The following KCNQ1 variants were observed in gnomAD, a reference collection of about 807,000 sequenced individuals.
The protein encoded by KCNQ1 is potassium voltage-gated channel subfamily Q member 1.
KCNQ1 carries 49 observed loss-of-function variants against 72.4 expected under a neutral mutation model. That is an observed-to-expected ratio of 0.68 (90% CI 0.54 to 0.86). KCNQ1 has a LOEUF of 0.86. KCNQ1 is among the 40% of genes least tolerant of loss of function. The pLI is 0.00. For synonymous variants in KCNQ1, 450 were observed against 412.6 expected (o/e 1.09, Z -1.10); for missense variants, 790 against 945.1 (o/e 0.84, Z 2.15).
chr11:2,840,694 C>T (rs1014226865), intron 15 of KCNQ1, among the ~76,000 whole-genome samples: 10 of 152,166 alleles, frequency 6.6e-5, no homozygotes, highest in Admixed American at 1.3e-4. Flanking sequence ...AACCCATACA[C>T]GAGACAAATA....
At position 2,473,584 on chromosome 11, in the gene KCNQ1, A is replaced by G. The variant is rs1276679594; in HGVS notation, c.386+28100A>G. Among the ~76,000 whole-genome samples the G allele has an allele frequency of 6.6e-6, 1 of 152,216 alleles. No homozygotes were observed. Among genetic ancestry groups the G allele is most frequent in the Admixed American group, 6.5e-5 (1 of 15,284 alleles). On this transcript the variant is annotated intron_variant, in intron 1 of 15. Transcript: ENST00000155840. This position sits in a 1 kb window ranked among gnomAD's most constrained non-coding sequence, Gnocchi z 6.0. ...CATGGCACAGACGCTCAGCCGTGTC[A>G]TGTGGCTTGTAGAGCGAGGGTGTGC... is the stretch of plus-strand genomic sequence containing the variant.
At chr11:2,832,996 C>T (rs1429933995) in intron 15 of KCNQ1, among the ~76,000 whole-genome samples, 1 of 152,170 alleles carries the variant, frequency 6.6e-6, no homozygotes, top group African/African-American at 2.4e-5. Context: ...CAGTGGGAGA[C>T]AGATGTGGGC....
rs769543345 is a variant in KCNQ1, at chr11:2,626,185, T to C, written c.1394-35776T>C. On this transcript the variant is annotated intron_variant, in intron 10 of 15. Coordinates refer to ENST00000155840, the MANE Select transcript of KCNQ1 (RefSeq NM_000218.3). This position sits in a 1 kb window ranked among gnomAD's most constrained non-coding sequence, Gnocchi z 4.0. ...CCCTATGTTTCCTTATAAGACTTCA[T>C]AGTTTTAGGACTTTGACCCATTTTG... 15 of 398,502 alleles carry C rather than the reference T, an allele frequency of 3.8e-5. No individual in the cohort carries two copies. Among genetic ancestry groups the C allele is most frequent in the Non-Finnish European group, 5.8e-5 (13 of 226,076 alleles). The allele number at this position is 398,502 out of a possible 1,614,324, so 24.7% of individuals were successfully genotyped here. A position where few individuals can be genotyped will look rare whatever the true frequency, so the allele number is the denominator to read the frequency against.
chr11:2,759,121 TTC>T lies in KCNQ1; in HGVS notation c.1515-9722_1515-9721del, dbSNP rs201141910. Among the ~76,000 whole-genome samples the T allele has an allele frequency of 6.7e-3, 481 of 71,564 alleles. 4 individuals are homozygous for T. Among genetic ancestry groups the T allele is most frequent in the African/African-American group, 0.03 (396 of 13,310 alleles). The allele number at this position is 71,564 out of a possible 152,430, so 46.9% of individuals were successfully genotyped here. Reference sequence around the variant, plus strand: ...GGACCTCTTGGTACTTTTTTTTTTTTTCCCAACTTCCTAGGAGTCTATAATTG... The same window carrying T: ...GGACCTCTTGGTACTTTTTTTTTTTTCCAACTTCCTAGGAGTCTATAATTG... On this transcript the variant is annotated intron_variant, in intron 11 of 15. Coordinates refer to ENST00000155840, the MANE Select transcript of KCNQ1 (RefSeq NM_000218.3). The surrounding 1 kb of genome is among the most constrained non-coding windows in gnomAD (Gnocchi z 4.4).
chr11:2,747,388 T>C (rs1286916106), intron 11 of KCNQ1, among the ~76,000 whole-genome samples: 1 of 152,140 alleles, frequency 6.6e-6, no homozygotes, highest in African/African-American at 2.4e-5. Flanking sequence ...GACTGGGGCC[T>C]GGGGGTGGCC....
Position 2,565,123 on chromosome 11 carries a change from T to G in KCNQ1, c.478-5505T>G, listed in dbSNP as rs141830116. On this transcript the variant is annotated intron_variant, in intron 2 of 15. Coordinates refer to ENST00000155840, the MANE Select transcript of KCNQ1 (RefSeq NM_000218.3). This position sits in a 1 kb window ranked among gnomAD's most constrained non-coding sequence, Gnocchi z 5.6. ...ATTGCTGGGTCATACAGTAATTCTG[T>G]TTTTTTTCTGGCATGTTATTTAAAC... Among the ~76,000 whole-genome samples the G allele has an allele frequency of 6.0e-4, 92 of 152,080 alleles. No individual in the cohort carries two copies. Among genetic ancestry groups the G allele is most frequent in the African/African-American group, 2.0e-3 (83 of 41,494 alleles).
chr11:2,831,013 C>G, intron 15 of KCNQ1, among the ~76,000 whole-genome samples: 1 of 152,226 alleles, frequency 6.6e-6, no homozygotes, highest in East Asian at 1.9e-4. Flanking sequence ...GGTGCTCAGC[C>G]CCACCCCAGC....
In KCNQ1 at chr11:2,623,270, C is replaced by T. The variant is rs1370108797; in HGVS notation, c.1393+34416C>T. ...ACTGTGAGTCAATTAAACCTCTTTT[C>T]TCACAAATTACCCAGTCTCAGGTAG... On this transcript the variant is annotated intron_variant, in intron 10 of 15. Transcript: ENST00000155840. This position sits in a 1 kb window ranked among gnomAD's most constrained non-coding sequence, Gnocchi z 5.2. 2.5e-6 allele frequency: 1 copy of T among 398,632 alleles called. No individual in the cohort carries two copies. The highest frequency in any genetic ancestry group is 4.4e-6 in the Non-Finnish European group (1 of 226,140). 24.7% of individuals were successfully genotyped at this position (398,632 alleles called of 1,614,324 possible). A position where few individuals can be genotyped will look rare whatever the true frequency, so the allele number is the denominator to read the frequency against.
In KCNQ1 at chr11:2,690,741, G is replaced by T; in HGVS notation, c.1514+28660G>T. ...ATCCCAGTGGTTGAAGATGGAGTAT[G>T]ATCCCAAATCCCTTAGGTGGATGTG... On this transcript the variant is annotated intron_variant, in intron 11 of 15. Transcript: ENST00000155840. The surrounding 1 kb of genome is among the most constrained non-coding windows in gnomAD (Gnocchi z 5.1). 1 of 398,658 alleles carries T rather than the reference G, an allele frequency of 2.5e-6. No homozygotes were observed. Among genetic ancestry groups the T allele is most frequent in the South Asian group, 1.3e-4 (1 of 7,858 alleles). The allele number at this position is 398,658 out of a possible 1,614,324, so 24.7% of individuals were successfully genotyped here. A position where few individuals can be genotyped will look rare whatever the true frequency, so the allele number is the denominator to read the frequency against.
At chr11:2,811,578 G>A (rs931784977) in intron 15 of KCNQ1, among the ~76,000 whole-genome samples, 14 of 152,350 alleles carry the variant, frequency 9.2e-5, no homozygotes, top group Admixed American at 7.2e-4. Context: ...GGCCCTTGCC[G>A]AGCGTCAGGG....
intron 2 of KCNQ1, among the ~76,000 whole-genome samples, chr11:2,529,198 G>T (rs1035102568): frequency 6.6e-6 from 1 of 152,156 alleles, no homozygotes. Context: ...GTCTGCTTTG[G>T]GGTTTTTCTA....
rs916062101 is a variant in KCNQ1 at position 2,608,708 on chromosome 11, C to T, written c.1393+19854C>T. On this transcript the variant is annotated intron_variant, in intron 10 of 15. Transcript: ENST00000155840. The surrounding 1 kb of genome is among the most constrained non-coding windows in gnomAD (Gnocchi z 4.6). ...TGAACTCCTGGCCACAAGCAATTCT[C>T]GAACTCCTGGCCACAAGCAATTCTC... 4.2e-4 allele frequency: 162 copies of T among 382,536 alleles called. 1 individual carries two copies. In the African/African-American group the frequency reaches 4.3e-3, roughly 10 times the overall value. 23.7% of individuals were successfully genotyped at this position (382,536 alleles called of 1,614,324 possible).
intron 11 of KCNQ1, among the ~76,000 whole-genome samples, chr11:2,721,424 C>T (rs1851201043): frequency 6.6e-6 from 1 of 152,252 alleles, no homozygotes; most frequent in Non-Finnish European, 1.5e-5. Flanking sequence ...GCCTCCCTGC[C>T]TCAGAGGGCT....
intron 15 of KCNQ1, among the ~76,000 whole-genome samples, chr11:2,847,434 G>A (rs1848352593): frequency 6.6e-6 from 1 of 152,234 alleles, no homozygotes; most frequent in African/African-American, 2.4e-5. Flanking sequence ...ATGCGGGGAT[G>A]TGGCACAGAA....
At position 2,492,931 on chromosome 11, in the gene KCNQ1, C is replaced by T. The variant is rs182657396; in HGVS notation, c.387-34997C>T. The stretch of plus-strand genomic sequence containing the variant: ...CTAGAATCTAGTTCTAGAATCACCA[C>T]GCTGTCTTCCACAATGGTTGAACTA... On this transcript the variant is annotated intron_variant, in intron 1 of 15. Transcript: ENST00000155840. This position sits in a 1 kb window ranked among gnomAD's most constrained non-coding sequence, Gnocchi z 4.1. Among the ~76,000 whole-genome samples the T allele has an allele frequency of 8.5e-5, 13 of 152,336 alleles. No individual in the cohort carries two copies. In the East Asian group the frequency reaches 1.9e-3, roughly 23 times the overall value.
intron 11 of KCNQ1, chr11:2,693,636 G>C (rs1850625510): frequency 2.5e-6 from 1 of 398,510 alleles, no homozygotes; most frequent in African/African-American, 2.1e-5. Flanking sequence ...CCGTAGGAAA[G>C]GCTCTGGGAG....
intron 15 of KCNQ1, among the ~76,000 whole-genome samples, chr11:2,791,615 C>T (rs1847024182): frequency 6.6e-6 from 1 of 151,964 alleles, no homozygotes. Flanking sequence ...CGGGGCGAAC[C>T]GGCGGCACAG....
intron 15 of KCNQ1, among the ~76,000 whole-genome samples, chr11:2,825,968 C>T (rs1475116805): frequency 6.6e-6 from 1 of 152,236 alleles, no homozygotes; most frequent in Admixed American, 6.5e-5. Flanking sequence ...GGCATGGTCT[C>T]AGCCCCTCCT....
chr11:2,474,804 G>C (rs1194743758), intron 1 of KCNQ1, among the ~76,000 whole-genome samples: 1 of 121,364 alleles, frequency 8.2e-6, no homozygotes, highest in East Asian at 2.6e-4. Context: ...GTGGATTAGT[G>C]CAGATTGTGA....
Sources: gnomAD v4.1 joint callset for allele counts (sites outside exome capture counted in the v4.1 genomes callset) on GRCh38, gnomAD v4.1.1 for gene constraint, Gnocchi (gnomAD v3.1) non-coding constraint, MANE v1.5 for transcripts, NCBI Gene and HGNC (gene_info 2026-07-23, HGNC 2026-07-21) for gene names.